The following NF1 variants were observed in gnomAD, a reference collection of about 807,000 sequenced individuals.
The protein encoded by NF1 is neurofibromin 1, also known as neurofibromin.
In NF1, 122 loss-of-function variants were observed where a neutral mutation model predicts 325.7. That is an observed-to-expected ratio of 0.37 (90% CI 0.32 to 0.44). The LOEUF (loss-of-function observed/expected upper bound fraction) is 0.44. Among genes scored for constraint, NF1 ranks in the 20% least tolerant of loss-of-function variants. The pLI, the probability that NF1 is intolerant of heterozygous loss-of-function variation, is 1.00. For synonymous variants in NF1, 1,091 were observed against 1,186.0 expected, an observed-to-expected ratio of 0.92 and a Z score of 1.65; for missense variants, 2,140 against 3,415.4, an observed-to-expected ratio of 0.63 and a Z score of 9.31.
chr17:31,263,035 ATAGG>A (rs71142037), intron 35 of NF1, among the ~76,000 whole-genome samples: 652 of 37,384 alleles, frequency 0.017, 1 homozygote, highest in South Asian at 0.089. Flanking sequence ...AGATAGATAG[ATAGG>A]TAGGTAGGTA....
At chr17:31,276,272 G>A (rs945837459) in intron 36 of NF1, among the ~76,000 whole-genome samples, 9 of 149,316 alleles carry the variant, frequency 6.0e-5, no homozygotes, top group African/African-American at 2.2e-4. Flanking sequence ...AATACCTCCT[G>A]TTTCTCCATG....
intron 36 of NF1, among the ~76,000 whole-genome samples, chr17:31,324,388 C>T (rs971546377): frequency 2.0e-5 from 3 of 151,784 alleles, no homozygotes; most frequent in African/African-American, 7.3e-5. Flanking sequence ...TATTTTGATA[C>T]ATGCATATAA....
At chr17:31,195,979 TTTA>T (rs1262992924) in intron 8 of NF1, among the ~76,000 whole-genome samples, 5 of 152,038 alleles carry the variant, frequency 3.3e-5, no homozygotes, top group Non-Finnish European at 7.4e-5. Flanking sequence ...ATATGGTTAT[TTTA>T]TTTTTGATTT....
intron 1 of NF1, among the ~76,000 whole-genome samples, chr17:31,102,937 C>G (rs1349335500): frequency 3.3e-5 from 5 of 151,706 alleles, no homozygotes; most frequent in African/African-American, 1.2e-4. Flanking sequence ...GCTCCACCTT[C>G]TGGGTTCAAG....
intron 8 of NF1, 30 bp from the exon 9 acceptor site, chr17:31,200,387 ATATAT>A (rs2066504547): frequency 4.4e-6 from 7 of 1,605,658 alleles, no homozygotes; most frequent in Non-Finnish European, 4.3e-6. Flanking sequence ...AAGAAACTTC[ATATAT>A]TATCTTATCG....
chr17:31,219,718 A>ACTT (rs1286238727), intron 14 of NF1, among the ~76,000 whole-genome samples: 1 of 150,242 alleles, frequency 6.7e-6, no homozygotes, highest in Non-Finnish European at 1.5e-5. Context: ...CCAGAAAGAA[A>ACTT]CTTGACTCCC....
chr17:31,259,608 T>G (rs1244558847), intron 33 of NF1, among the ~76,000 whole-genome samples: 1 of 152,178 alleles, frequency 6.6e-6, no homozygotes, highest in Non-Finnish European at 1.5e-5. Context: ...GAACTGAACT[T>G]TATGATTTTA....
Position 31,252,990 on chromosome 17 carries a change from A to G in NF1, c.4163A>G (p.Asn1388Ser), listed in dbSNP as rs767295226. 6.2e-7 allele frequency: 1 copy of G among 1,613,076 alleles called. No individual in the cohort carries two copies. Residue 1388 changes from asparagine (N) to serine (S), a missense_variant, in exon 31 of 58, where the codon AAC (asparagine) becomes AGC (serine). Asn to Ser is a conservative substitution (Grantham distance 46). Coordinates refer to ENST00000358273, the MANE Select transcript of NF1 (RefSeq NM_001042492.3). ...GCTACAGTAAAAGAAAAAAAGGAAAACAAAAAATCAGTAAGTTTGGAGAAC... is the reference window on the plus strand; with the variant it reads ...GCTACAGTAAAAGAAAAAAAGGAAAGCAAAAAATCAGTAAGTTTGGAGAAC... ...NKATVKEKKE[N>S]KKSVVSQRFP...
In NF1 at chr17:31,232,813, A is replaced by G. The variant is rs1555614965; in HGVS notation, c.3428A>G (p.His1143Arg). 6.2e-7 allele frequency: 1 copy of G among 1,614,134 alleles called. No individual in the cohort carries two copies. Among genetic ancestry groups the G allele is most frequent in the Admixed American group, 1.7e-5 (1 of 60,010 alleles). The change falls in exon 26 of 58, where the codon CAC (histidine) becomes CGC (arginine). Residue 1143 changes from histidine to arginine, a missense_variant. Transcript: ENST00000358273. Reference protein sequence around the residue: ...GMSRRLASLRHCTVLAMSNLL... With the variant: ...GMSRRLASLRRCTVLAMSNLL... ...TCTCGGAGGCTGGCATCACTGAGGC[A>G]CTGTACGGTCCTTGCAATGTCAAAC...
intron 57 of NF1, chr17:31,362,178 C>A: frequency 5.9e-6 from 2 of 337,686 alleles, no homozygotes; most frequent in Non-Finnish European, 8.4e-6. Context: ...GATTCTTACA[C>A]ACACTAGAAT....
At chr17:31,134,056 C>T (rs898732422) in intron 1 of NF1, among the ~76,000 whole-genome samples, 1 of 152,094 alleles carries the variant, frequency 6.6e-6, no homozygotes, top group Non-Finnish European at 1.5e-5. Flanking sequence ...CTCTGTCATG[C>T]AGACTAGAGT....
At chr17:31,111,482 A>T (rs1422106095) in intron 1 of NF1, among the ~76,000 whole-genome samples, 1 of 152,182 alleles carries the variant, frequency 6.6e-6, no homozygotes, top group African/African-American at 2.4e-5. Context: ...CCAGAAACAA[A>T]GAGAAACGCT....
In NF1 at chr17:31,257,640, G is replaced by A. The variant is rs533696805; in HGVS notation, c.4174-704G>A. The A allele has an allele frequency of 5.9e-5, 9 of 152,180 alleles. No individual in the cohort carries two copies. In the East Asian group the frequency reaches 1.5e-3, roughly 26 times the overall value. 9.4% of individuals were successfully genotyped at this position (152,180 alleles called of 1,614,324 possible). On this transcript the variant is annotated intron_variant, in intron 31 of 57. Coordinates refer to ENST00000358273, the MANE Select transcript of NF1 (RefSeq NM_001042492.3). ...TTATTTGACAGAATTATAAATTGAG[G>A]TAGACATAGGGGTTCTCTCTTCTGG...
chr17:31,359,899 G>A (rs2070360980), intron 56 of NF1: 1 of 159,214 alleles, frequency 6.3e-6, no homozygotes, highest in Non-Finnish European at 1.4e-5. Context: ...ACAGTTCCTG[G>A]TGCAGTGTTT....
chr17:31,172,475 CGA>C (rs149923112), intron 5 of NF1, among the ~76,000 whole-genome samples: 2 of 151,408 alleles, frequency 1.3e-5, no homozygotes, highest in Non-Finnish European at 2.9e-5. Flanking sequence ...ATAGATATAT[CGA>C]GAGAGAGAGA....
intron 19 of NF1, 94 bp from the exon 20 acceptor site, chr17:31,227,429 A>AT: frequency 2.8e-6 from 4 of 1,437,430 alleles, no homozygotes; most frequent in Non-Finnish European, 3.9e-6. Flanking sequence ...ATATCTGAGT[A>AT]TTTAATATAC....
chr17:31,368,414 C>CAG (rs1567632055), intron 57 of NF1, among the ~76,000 whole-genome samples: 1 of 152,174 alleles, frequency 6.6e-6, no homozygotes, highest in Non-Finnish European at 1.5e-5. Context: ...GTTAGGATTA[C>CAG]AGGCATGAGC....
intron 57 of NF1, among the ~76,000 whole-genome samples, chr17:31,364,675 A>T (rs866613406): frequency 6.6e-6 from 1 of 152,146 alleles, no homozygotes; most frequent in African/African-American, 2.4e-5. Flanking sequence ...TCTCCATCCT[A>T]AGGGGGACTG....
chr17:31,236,472 C>T (rs566663139), intron 29 of NF1, among the ~76,000 whole-genome samples: 34 of 152,276 alleles, frequency 2.2e-4, no homozygotes, highest in African/African-American at 3.4e-4. Context: ...CAGAGTCTCA[C>T]TCTGCCATTC....
Sources: gnomAD v4.1 joint callset for allele counts (sites outside exome capture counted in the v4.1 genomes callset) on GRCh38, gnomAD v4.1.1 for gene constraint, MANE v1.5 for transcripts, NCBI Gene and HGNC (gene_info 2026-07-23, HGNC 2026-07-21) for gene names.